The following EXD1 variants were observed in gnomAD, a reference collection of about 807,000 sequenced individuals.
EXD1 encodes piRNA biogenesis protein EXD1.
EXD1 carries 63 observed loss-of-function variants against 49.1 expected under a neutral mutation model. That is an observed-to-expected ratio of 1.28 (90% CI 1.05 to 1.58). The LOEUF (loss-of-function observed/expected upper bound fraction) is 1.58. EXD1 is among the 40% of genes most tolerant of loss of function. The pLI is 0.00. For synonymous variants in EXD1, 234 were observed against 239.2 expected (o/e 0.98, Z 0.20); for missense variants, 748 against 666.0 (o/e 1.12, Z -1.36).
chr15:41,216,421 C>T (rs935888694), intron 5 of EXD1, among the ~76,000 whole-genome samples: 3 of 151,960 alleles, frequency 2.0e-5, no homozygotes, highest in African/African-American at 2.4e-5. Context: ...CACCTGAGGT[C>T]GGGAGTTCGA....
intron 7 of EXD1, among the ~76,000 whole-genome samples, chr15:41,209,257 C>CA (rs1370851182): frequency 6.6e-6 from 1 of 151,778 alleles, no homozygotes; most frequent in African/African-American, 2.4e-5. Context: ...GACCCCATCT[C>CA]AAAAAAACAA....
At chr15:41,221,557 G>A (rs1381453333) in intron 2 of EXD1, among the ~76,000 whole-genome samples, 1 of 151,822 alleles carries the variant, frequency 6.6e-6, no homozygotes, top group Non-Finnish European at 1.5e-5. Flanking sequence ...TTACAGGTGT[G>A]AGCCACCCTG....
At chr15:41,207,585 T>C (rs2046853554) in intron 7 of EXD1, among the ~76,000 whole-genome samples, 1 of 151,300 alleles carries the variant, frequency 6.6e-6, no homozygotes, top group Admixed American at 6.6e-5. Context: ...GCCTCTGAAG[T>C]GGAGTGGAGG....
chr15:41,215,547 G>A (rs755417825), intron 6 of EXD1, among the ~76,000 whole-genome samples: 4 of 152,000 alleles, frequency 2.6e-5, no homozygotes, highest in African/African-American at 4.8e-5. Context: ...TTAGCCAGGC[G>A]TGGTGGCGGG....
chr15:41,211,613 A>G (rs765860391), intron 6 of EXD1, among the ~76,000 whole-genome samples: 5 of 151,894 alleles, frequency 3.3e-5, no homozygotes, highest in Non-Finnish European at 7.4e-5. Flanking sequence ...GCTTGAGCCC[A>G]GGAGTTCGAG....
intron 7 of EXD1, among the ~76,000 whole-genome samples, chr15:41,200,433 G>C (rs2046711124): frequency 6.6e-6 from 1 of 152,122 alleles, no homozygotes; most frequent in Non-Finnish European, 1.5e-5. Context: ...TGAGACAGGA[G>C]AACTGCTTGA....
intron 6 of EXD1, among the ~76,000 whole-genome samples, chr15:41,211,588 T>C (rs921230946): frequency 6.6e-6 from 1 of 151,916 alleles, no homozygotes; most frequent in African/African-American, 2.4e-5. Context: ...TGAAGGAGGC[T>C]GAGGAGGACA....
In EXD1 at chr15:41,215,775, C is replaced by T. The variant is rs1018995284; in HGVS notation, c.447G>A (p.Ala149=). 19 of 1,613,534 alleles carry T rather than the reference C, an allele frequency of 1.2e-5. No individual in the cohort carries two copies. Among genetic ancestry groups the T allele is most frequent in the African/African-American group, 5.3e-5 (4 of 74,862 alleles). ...AGTAATGATTGAGGACAATACTTACCGCAGCACCAAACTTCTGCTGGAATT... is the reference window on the plus strand; with the variant it reads ...AGTAATGATTGAGGACAATACTTACTGCAGCACCAAACTTCTGCTGGAATT... ...INQFQQKFGA[A]ILHIKKQNVL... The change falls in exon 6 of 12, where the codon GCG becomes GCA. Residue 149 remains alanine (A), a splice_region_variant and synonymous_variant. Transcript: ENST00000458580.
chr15:41,184,432 C>T lies in EXD1; in HGVS notation c.1218G>A (p.Glu406=), dbSNP rs145139071. ...KKLVTETAGK[E]EKVKGFLFGK... ...CAAATAAGAAGCCTTTGACTTTCTC[C>T]TCTTTCCCTGCTGTCTCTGTCACTA... is the stretch of plus-strand genomic sequence containing the variant. Residue 406 remains glutamate (E), a synonymous_variant, in exon 12 of 12, where the codon GAG becomes GAA. Coordinates refer to ENST00000458580, the MANE Select transcript of EXD1 (RefSeq NM_001286441.2). 1.6e-5 allele frequency: 26 copies of T among 1,614,038 alleles called. No homozygotes were observed. The African/African-American group carries it at 3.1e-4, about 19-fold the overall frequency.
At chr15:41,229,299 G>A (rs1046064915) in intron 1 of EXD1, among the ~76,000 whole-genome samples, 20 of 152,142 alleles carry the variant, frequency 1.3e-4, no homozygotes, top group Admixed American at 2.6e-4. Flanking sequence ...ACAATATGGT[G>A]AAACCCTGTC....
Position 41,230,596 on chromosome 15 carries a change from T to G in EXD1, c.-171A>C, listed in dbSNP as rs1002747310. The stretch of plus-strand genomic sequence containing the variant: ...CGTTCCTCGAACTTCAGTCTAGAAC[T>G]AAAAGAAGAGGGGCTGCAATGAAGG... On this transcript the variant is annotated 5_prime_UTR_variant, in exon 1 of 12. Transcript: ENST00000458580. The G allele has an allele frequency of 6.3e-7, 1 of 1,588,956 alleles. No individual in the cohort carries two copies. The highest frequency in any genetic ancestry group is 8.6e-7 in the Non-Finnish European group (1 of 1,159,862).
intron 9 of EXD1, among the ~76,000 whole-genome samples, chr15:41,192,886 C>T (rs535193309): frequency 6.6e-6 from 1 of 150,914 alleles, no homozygotes; most frequent in African/African-American, 2.4e-5. Context: ...AGCTCCGCCT[C>T]CCGGGTTCAC....
Position 41,213,797 on chromosome 15 carries a change from T to C in EXD1, c.447+1978A>G, listed in dbSNP as rs534555684. 7.5e-4 allele frequency among the ~76,000 whole-genome samples: 114 copies of C among 152,310 alleles called. 1 individual carries two copies. The highest frequency in any genetic ancestry group is 6.6e-4 in the Non-Finnish European group (45 of 68,020). On this transcript the variant is annotated intron_variant, in intron 6 of 11. Coordinates refer to ENST00000458580, the MANE Select transcript of EXD1 (RefSeq NM_001286441.2). ...TTTCTTTCTGGTATACTGAAAATAT[T>C]CTAAAATTTATTATGTTGCTTTACT...
chr15:41,216,652 G>A lies in EXD1; in HGVS notation c.388+16C>T. On this transcript the variant is annotated intron_variant, in intron 5 of 11. Coordinates refer to ENST00000458580, the MANE Select transcript of EXD1 (RefSeq NM_001286441.2). ...ATCTCAAAAAAAAAAAGAAAATTCA[G>A]AGCCCCTATATTCACCTGATGGGCT... The A allele has an allele frequency of 6.3e-7, 1 of 1,586,940 alleles. No homozygotes were observed. The highest frequency in any genetic ancestry group is 8.5e-7 in the Non-Finnish European group (1 of 1,173,158).
intron 11 of EXD1, among the ~76,000 whole-genome samples, chr15:41,185,430 A>G (rs1039383295): frequency 6.6e-5 from 10 of 151,578 alleles, no homozygotes; most frequent in African/African-American, 2.4e-4. Context: ...ACTGTAACCT[A>G]TAACACCTGG....
intron 9 of EXD1, among the ~76,000 whole-genome samples, chr15:41,194,906 T>G (rs557110913): frequency 2.0e-5 from 3 of 152,288 alleles, no homozygotes; most frequent in Admixed American, 1.3e-4. Context: ...CCAAATATAG[T>G]AACATAAAAT....
chr15:41,226,038 G>A (rs907005607), intron 2 of EXD1, among the ~76,000 whole-genome samples: 1 of 152,148 alleles, frequency 6.6e-6, no homozygotes, highest in African/African-American at 2.4e-5. Flanking sequence ...GGATCACGAG[G>A]TCAGGAGATC....
intron 2 of EXD1, among the ~76,000 whole-genome samples, chr15:41,222,813 G>A (rs1451134175): frequency 6.6e-6 from 1 of 150,822 alleles, no homozygotes; most frequent in East Asian, 2.0e-4. Flanking sequence ...GCACACGCCT[G>A]TAGTCCCAGC....
Position 41,226,493 on chromosome 15 carries a change from T to C in EXD1, c.83A>G (p.Glu28Gly). 17 of 1,536,068 alleles carry C rather than the reference T, an allele frequency of 1.1e-5. No homozygotes were observed. The highest frequency in any genetic ancestry group is 1.5e-5 in the Non-Finnish European group (17 of 1,146,904). The part of the protein sequence containing the change: ...VKLTLVCGVF[E>G]GVLQHVDPNK... The stretch of plus-strand genomic sequence containing the variant: ...AGGGTCAACATGCTGAAGCACACCC[T>C]CGAAGACACCACAGACCAATGTGAG... Residue 28 changes from glutamate (E) to glycine (G), a missense_variant, in exon 2 of 12, where the codon GAG becomes GGG. Glu to Gly is a moderately conservative substitution (Grantham distance 98). Coordinates refer to ENST00000458580, the MANE Select transcript of EXD1 (RefSeq NM_001286441.2).
Sources: gnomAD v4.1 joint callset for allele counts (sites outside exome capture counted in the v4.1 genomes callset) on GRCh38, gnomAD v4.1.1 for gene constraint, MANE v1.5 for transcripts, NCBI Gene and HGNC (gene_info 2026-07-23, HGNC 2026-07-21) for gene names.